Variants in ABI3BP observed in about 807,000 individuals in gnomAD.
The protein encoded by ABI3BP is ABI family member 3 binding protein, also known as target of Nesh-SH3.
In ABI3BP, 216 loss-of-function variants were observed where a neutral mutation model predicts 268.6. The ratio of observed to expected loss-of-function variants is 0.80; its 90% CI spans 0.72 to 0.90. The LOEUF (loss-of-function observed/expected upper bound fraction) is 0.90. Ranked by LOEUF, ABI3BP falls within the 40% of genes least tolerant of loss-of-function variation. ABI3BP has a pLI of 0.00. For synonymous variants in ABI3BP, 730 were observed against 730.0 expected (o/e 1.00, Z 0.00); for missense variants, 2,090 against 2,182.4 (o/e 0.96, Z 0.84).
In ABI3BP at chr3:100,838,400, A is replaced by G; in HGVS notation, c.2008+2T>C. ...GATCAAGGCATTGAAAGTAATGATT[A>G]CCAGGCTGAATTTGAGGTGCATCTG... On this transcript the variant is annotated splice_donor_variant, in intron 25 of 67. Transcript: ENST00000471714. LOFTEE classifies it high-confidence loss of function. 6.5e-7 allele frequency: 1 copy of G among 1,535,704 alleles called. No individual in the cohort carries two copies. The highest frequency in any genetic ancestry group is 8.7e-7 in the Non-Finnish European group (1 of 1,146,534).
At chr3:100,837,061 A>T (rs1450875523) in intron 27 of ABI3BP, 63 bp downstream of exon 27, 1 of 1,416,100 alleles carries the variant, frequency 7.1e-7, no homozygotes, top group African/African-American at 1.5e-5. Flanking sequence ...TAGCTAATGA[A>T]AAAAGAGATG....
At chr3:100,757,791 A>G (rs2095705261) in intron 63 of ABI3BP, among the ~76,000 whole-genome samples, 1 of 152,204 alleles carries the variant, frequency 6.6e-6, no homozygotes, top group South Asian at 2.1e-4. Flanking sequence ...GTCAGTCTAG[A>G]CATAGGGATT....
At chr3:100,922,379 G>C (rs2060479895) in intron 2 of ABI3BP, among the ~76,000 whole-genome samples, 1 of 152,156 alleles carries the variant, frequency 6.6e-6, no homozygotes, top group Admixed American at 6.5e-5. Context: ...GGAGAATTGA[G>C]GTTGAAGGTG....
chr3:100,882,076 G>A (rs1041833658), intron 6 of ABI3BP, among the ~76,000 whole-genome samples: 19 of 152,070 alleles, frequency 1.2e-4, no homozygotes, highest in African/African-American at 4.3e-4. Context: ...TTTCCATTCC[G>A]AATACCTCTT....
intron 1 of ABI3BP, among the ~76,000 whole-genome samples, chr3:100,930,480 T>C (rs1347283953): frequency 1.3e-5 from 2 of 151,592 alleles, no homozygotes; most frequent in Non-Finnish European, 3.0e-5. Flanking sequence ...AGAAATTCTT[T>C]TAAAAAAAGT....
chr3:100,873,392 T>A (rs140473422), intron 9 of ABI3BP, among the ~76,000 whole-genome samples: 1 of 152,246 alleles, frequency 6.6e-6, no homozygotes, highest in African/African-American at 2.4e-5. Context: ...CTCATTAGAT[T>A]TGATGTCTTT....
At chr3:100,838,160 T>C (rs1198831681) in intron 26 of ABI3BP, 50 bp downstream of exon 26, 1 of 1,475,278 alleles carries the variant, frequency 6.8e-7, no homozygotes, top group East Asian at 2.5e-5. Flanking sequence ...TTTTCAGCAA[T>C]GTTTCCAAAG....
chr3:100,948,530 G>T (rs2153744676), intron 1 of ABI3BP, among the ~76,000 whole-genome samples: 1 of 152,280 alleles, frequency 6.6e-6, no homozygotes, highest in Middle Eastern at 3.4e-3. Context: ...AGCAATTGCA[G>T]TTTAATTGCC....
chr3:100,936,302 A>C (rs1346109173), intron 1 of ABI3BP, among the ~76,000 whole-genome samples: 2 of 152,206 alleles, frequency 1.3e-5, no homozygotes, highest in African/African-American at 4.8e-5. Context: ...ATGTTGAACC[A>C]GCCTTGCATC....
At chr3:100,895,353 A>G (rs150197504) in intron 4 of ABI3BP, among the ~76,000 whole-genome samples, 14 of 152,216 alleles carry the variant, frequency 9.2e-5, no homozygotes, top group Admixed American at 4.6e-4. Context: ...GTACAGAAAC[A>G]TGCGCCACAA....
chr3:100,992,630 G>A (rs1439124023), intron 1 of ABI3BP, among the ~76,000 whole-genome samples: 3 of 152,178 alleles, frequency 2.0e-5, no homozygotes, highest in South Asian at 2.1e-4. Context: ...GGTTTCTGAT[G>A]GGCTCAAAGG....
chr3:100,962,247 C>G (rs1036200585), intron 1 of ABI3BP, among the ~76,000 whole-genome samples: 3 of 152,158 alleles, frequency 2.0e-5, no homozygotes, highest in African/African-American at 7.2e-5. Flanking sequence ...ACTTTTGAAC[C>G]TATAAACCTG....
chr3:100,794,054 G>A (rs577025460), intron 54 of ABI3BP, among the ~76,000 whole-genome samples: 2 of 151,904 alleles, frequency 1.3e-5, no homozygotes, highest in Non-Finnish European at 2.9e-5. Context: ...CCATCTGTCC[G>A]TAACTTCAAA....
At position 100,749,402 on chromosome 3, in the gene ABI3BP, G is replaced by A. The variant is rs868220830; in HGVS notation, c.*1093C>T. On this transcript the variant is annotated 3_prime_UTR_variant, in exon 68 of 68. Transcript: ENST00000471714. Reference sequence around the variant, plus strand: ...TTTGAAAAATACAAAATGTAGCGTTGATAAGATTGAAGCATGTTGAAAGGT... The same window carrying A: ...TTTGAAAAATACAAAATGTAGCGTTAATAAGATTGAAGCATGTTGAAAGGT... 1.3e-5 allele frequency: 5 copies of A among 373,354 alleles called. No homozygotes were observed. In the South Asian group the frequency reaches 4.5e-4, roughly 33 times the overall value. 23.1% of individuals were successfully genotyped at this position (373,354 alleles called of 1,614,324 possible).
In ABI3BP at chr3:100,833,140, G is replaced by T; in HGVS notation, c.2299C>A (p.Pro767Thr). ...GAGTCATTACCTGAAGATGTCCCAG[G>T]AGTAATAGGTCCAAAGTCTGTAGCA... is the stretch of plus-strand genomic sequence containing the variant. ...QTKLDFGPIT[P>T]GTSSAPTTTT... is the part of the protein sequence containing the mutation. The change falls in exon 30 of 68, where the codon CCT (proline) becomes ACT (threonine). Residue 767 changes from proline (P) to threonine (T), a missense_variant. By Grantham distance (38) the Pro-to-Thr change is conservative. Transcript: ENST00000471714. 6.5e-7 allele frequency: 1 copy of T among 1,534,782 alleles called. No homozygotes were observed. Among genetic ancestry groups the T allele is most frequent in the Non-Finnish European group, 8.7e-7 (1 of 1,146,060 alleles).
In ABI3BP at chr3:100,792,758, G is replaced by A. The variant is rs368483885; in HGVS notation, c.3957C>T (p.Asp1319=). 1 of 1,611,104 alleles carries A rather than the reference G, an allele frequency of 6.2e-7. No individual in the cohort carries two copies. Among genetic ancestry groups the A allele is most frequent in the African/African-American group, 1.3e-5 (1 of 74,848 alleles). Residue 1319 remains aspartate (D), a synonymous_variant, in exon 55 of 68, where the codon GAC becomes GAT. Transcript: ENST00000471714. The part of the protein sequence containing the change: ...EELQTTLEET[D]QSTQEPFTTK... Reference sequence around the variant, plus strand: ...TTGTGAAAGGTTCTTGGGTGGATTGGTCTGTTTCTTCTAGAGAAAACACAG... The same window carrying A: ...TTGTGAAAGGTTCTTGGGTGGATTGATCTGTTTCTTCTAGAGAAAACACAG...
chr3:100,872,368 C>T (rs535099082), intron 9 of ABI3BP, among the ~76,000 whole-genome samples: 16 of 152,090 alleles, frequency 1.1e-4, no homozygotes, highest in Admixed American at 8.5e-4. Flanking sequence ...AGCAAAAATG[C>T]TAAATTGGTA....
At chr3:100,934,347 A>T (rs890377920) in intron 1 of ABI3BP, among the ~76,000 whole-genome samples, 1 of 151,906 alleles carries the variant, frequency 6.6e-6, no homozygotes, top group Admixed American at 6.6e-5. Flanking sequence ...ATTCCATGGT[A>T]TATATGTGCC....
chr3:100,816,981 A>C (rs916381214), intron 42 of ABI3BP, among the ~76,000 whole-genome samples: 1 of 152,208 alleles, frequency 6.6e-6, no homozygotes, highest in Non-Finnish European at 1.5e-5. Context: ...AGACTCATAC[A>C]TCTTTAACTT....
Sources: allele counts gnomAD v4.1 joint callset (sites outside exome capture counted in the v4.1 genomes callset), GRCh38; gene constraint gnomAD v4.1.1; transcripts MANE v1.5; gene names NCBI Gene and HGNC (gene_info 2026-07-23, HGNC 2026-07-21).